ARSF: variants seen among roughly 807,000 people sequenced by gnomAD.
The protein encoded by ARSF is arylsulfatase F.
In ARSF, 33 loss-of-function variants were observed where a neutral mutation model predicts 35.4. The observed-to-expected ratio is 0.93, with a 90% CI of 0.71 to 1.25. ARSF has a LOEUF of 1.25. ARSF is among the 50% of genes most tolerant of loss of function. The pLI is 0.00. For missense variants in ARSF, 501 were observed against 480.2 expected (o/e 1.04, Z -0.40); for synonymous variants, 222 against 193.1 (o/e 1.15, Z -1.24).
At chrX:3,108,095 T>C (rs995533271) in intron 9 of ARSF, among the ~76,000 whole-genome samples, 1 of 111,986 alleles carries the variant, frequency 8.9e-6, no homozygotes, top group Non-Finnish European at 1.9e-5. Context: ...CTGAATTATT[T>C]TGAGCATTTG....
At chrX:3,080,646 C>T (rs2090193931) in intron 4 of ARSF, among the ~76,000 whole-genome samples, 4 of 110,463 alleles carry the variant, frequency 3.6e-5, no homozygotes, top group African/African-American at 9.9e-5. Context: ...CTGGTTCATA[C>T]ACGGCGCCCT....
intron 9 of ARSF, among the ~76,000 whole-genome samples, chrX:3,106,681 G>GC (rs1483793470): frequency 8.9e-6 from 1 of 112,240 alleles, no homozygotes; most frequent in Non-Finnish European, 1.9e-5. Context: ...AACAGATAAA[G>GC]CAAATTACAA....
rs1462246291 is a variant in ARSF, at chrX:3,112,309, T to C, written c.1526T>C (p.Leu509Pro). ...CACAACCCCCCTCTGCTCTTCGATC[T>C]CTCCAGGGACCCCTCAGAGTCCACA... is the stretch of plus-strand genomic sequence containing the variant. ...TYHNPPLLFD[L>P]SRDPSESTPL... is the part of the protein sequence containing the mutation. The change falls in exon 11 of 11, where the codon CTC becomes CCC. Residue 509 changes from leucine to proline, a missense_variant. Leu to Pro is a moderately conservative substitution (Grantham distance 98). Coordinates refer to ENST00000381127, the MANE Select transcript of ARSF (RefSeq NM_001201539.2). 8.3e-7 allele frequency: 1 copy of C among 1,210,621 alleles called. No individual in the cohort carries two copies. Among genetic ancestry groups the C allele is most frequent in the East Asian group, 3.0e-5 (1 of 33,794 alleles).
intron 1 of ARSF, among the ~76,000 whole-genome samples, chrX:3,052,701 A>G (rs1487133584): frequency 9.1e-6 from 1 of 110,258 alleles, no homozygotes; most frequent in Non-Finnish European, 1.9e-5. Context: ...AAAAAAAAAA[A>G]AAAAAAGATA....
chrX:3,105,076 T>A (rs1428450081), intron 9 of ARSF, among the ~76,000 whole-genome samples: 1 of 112,120 alleles, frequency 8.9e-6, no homozygotes, highest in Non-Finnish European at 1.9e-5. Context: ...GGAATCCAGA[T>A]GGGTTAGAAC....
At chrX:3,088,832 A>C (rs1254733960) in intron 6 of ARSF, among the ~76,000 whole-genome samples, 1 of 111,486 alleles carries the variant, frequency 9.0e-6, no homozygotes, top group African/African-American at 3.3e-5. Context: ...AAGTGGTGTG[A>C]TTATAGGCGT....
intron 6 of ARSF, among the ~76,000 whole-genome samples, 194 bp from the exon 7 acceptor site, chrX:3,089,302 G>A (rs1347152293): frequency 7.2e-5 from 8 of 111,568 alleles, no homozygotes; most frequent in African/African-American, 2.6e-4. Context: ...TTACCAAAGG[G>A]GTTAGGGAGC....
At chrX:3,046,308 G>A (rs1450914513) in intron 1 of ARSF, among the ~76,000 whole-genome samples, 2 of 112,033 alleles carry the variant, frequency 1.8e-5, no homozygotes, top group Non-Finnish European at 3.8e-5. Context: ...ACCCATTCAA[G>A]CTTCCAGCTT....
Position 3,089,527 on chromosome X carries a change from T to C in ARSF, c.862T>C (p.Ser288Pro). The C allele has an allele frequency of 8.3e-7, 1 of 1,211,763 alleles. No individual in the cohort carries two copies. The highest frequency in any genetic ancestry group is 1.1e-6 in the Non-Finnish European group (1 of 895,410). ...TAAGGAAACTTTCCTTCTCTTTTTC[T>C]CCTTTCTTCACGTGCACACACCTCT... is the stretch of plus-strand genomic sequence containing the variant. ...HSKETFLLFF[S>P]FLHVHTPLPT... Residue 288 changes from serine to proline, a missense_variant, in exon 7 of 11, where the codon TCC becomes CCC. Physicochemically the swap from Ser to Pro is moderately conservative, Grantham distance 74. Coordinates refer to ENST00000381127, the MANE Select transcript of ARSF (RefSeq NM_001201539.2).
intron 1 of ARSF, among the ~76,000 whole-genome samples, chrX:3,059,446 A>G (rs1351613917): frequency 8.9e-6 from 1 of 112,246 alleles, no homozygotes; most frequent in Non-Finnish European, 1.9e-5. Context: ...GACTGGTTGG[A>G]CAGTGGGTGC....
Position 3,072,326 on chromosome X carries a change from G to T in ARSF, c.161+151G>T, listed in dbSNP as rs2090111503. On this transcript the variant is annotated intron_variant, in intron 3 of 10. Coordinates refer to ENST00000381127, the MANE Select transcript of ARSF (RefSeq NM_001201539.2). ...CTTTTTGATAGTTTTAAATTATTTA[G>T]ATTATGTAATAGTTTTACAATTACA... The T allele has an allele frequency of 1.2e-5, 6 of 512,299 alleles. No individual in the cohort carries two copies. The East Asian group carries it at 1.6e-4, about 13-fold the overall frequency. 42.2% of individuals were successfully genotyped at this position (512,299 alleles called of 1,213,427 possible).
intron 1 of ARSF, among the ~76,000 whole-genome samples, chrX:3,047,628 G>A (rs1338467908): frequency 9.0e-6 from 1 of 110,680 alleles, no homozygotes; most frequent in Non-Finnish European, 1.9e-5. Context: ...CCAGCCTGGT[G>A]GACTAGGTAA....
intron 1 of ARSF, among the ~76,000 whole-genome samples, chrX:3,063,612 G>C (rs1245312077): frequency 8.9e-6 from 1 of 111,755 alleles, no homozygotes; most frequent in Non-Finnish European, 1.9e-5. Flanking sequence ...CAAAGTCTCA[G>C]GATACAAAAT....
intron 5 of ARSF, among the ~76,000 whole-genome samples, chrX:3,081,274 C>T (rs1248968412): frequency 3.6e-5 from 4 of 111,477 alleles, no homozygotes; most frequent in Non-Finnish European, 7.5e-5. Context: ...GTGGCATGTG[C>T]CTATGGTCCC....
intron 7 of ARSF, among the ~76,000 whole-genome samples, chrX:3,092,963 GC>G (rs1475949956): frequency 8.9e-6 from 1 of 111,740 alleles, no homozygotes; most frequent in East Asian, 2.8e-4. Flanking sequence ...ACGAGTTCAG[GC>G]AATCAAAACC....
At chrX:3,071,877 G>A (rs1380287991) in intron 2 of ARSF, 149 bp from the exon 3 acceptor site, 12 of 535,625 alleles carry the variant, frequency 2.2e-5, no homozygotes, top group Non-Finnish European at 3.0e-6. Context: ...AGCAGTGCTC[G>A]GTGCTTGGAG....
In ARSF at chrX:3,079,780, T is replaced by A. The variant is rs1470077804; in HGVS notation, c.284-1111T>A. On this transcript the variant is annotated intron_variant, in intron 4 of 10. Coordinates refer to ENST00000381127, the MANE Select transcript of ARSF (RefSeq NM_001201539.2). ...TTCAAGAACAGCCTGGCCAACATGG[T>A]GAAACCCCATCTCTACTAAAAATAC... Among the ~76,000 whole-genome samples, 3 of 106,391 alleles carry A rather than the reference T, an allele frequency of 2.8e-5. No individual in the cohort carries two copies. In the Admixed American group the frequency reaches 3.1e-4, roughly 11 times the overall value. The allele number at this position is 106,391 out of a possible 115,157, so 92.4% of individuals were successfully genotyped here. A position where few individuals can be genotyped will look rare whatever the true frequency, so the allele number is the denominator to read the frequency against.
rs369770883 is a variant in ARSF, at chrX:3,076,551, G to A, written c.165G>A (p.Thr55=). The A allele has an allele frequency of 1.1e-5, 13 of 1,199,483 alleles. No individual in the cohort carries two copies. The Admixed American group carries it at 1.1e-4, about 10-fold the overall frequency. Residue 55 remains threonine (T), a synonymous_variant, in exon 4 of 11, where the codon ACG becomes ACA. Coordinates refer to ENST00000381127, the MANE Select transcript of ARSF (RefSeq NM_001201539.2). The part of the protein sequence containing the change: ...LGCYGNDTMR[T]PHIDRLAREG... ...CACCTTCCCTCTCCCCCTTCAGGAC[G>A]CCTCACATCGACCGCCTTGCCAGGG...
chrX:3,093,919 G>C (rs761871676), intron 7 of ARSF, among the ~76,000 whole-genome samples: 1 of 111,357 alleles, frequency 9.0e-6, no homozygotes, highest in East Asian at 2.8e-4. Context: ...TTATTTTTTT[G>C]ACTTATTGGG....
Sources: allele counts gnomAD v4.1 joint callset (sites outside exome capture counted in the v4.1 genomes callset), GRCh38; gene constraint gnomAD v4.1.1; transcripts MANE v1.5; gene names NCBI Gene and HGNC (gene_info 2026-07-23, HGNC 2026-07-21).